The following CADM2 variants were observed in gnomAD, a reference collection of about 807,000 sequenced individuals.
CADM2 encodes the protein cell adhesion molecule 2, also known as immunoglobulin superfamily member 4D.
Under a neutral mutation model 49.8 loss-of-function variants are expected in CADM2, and 12 were observed. The ratio of observed to expected loss-of-function variants is 0.24; its 90% CI spans 0.15 to 0.39. CADM2 has a LOEUF of 0.39. Among genes scored for constraint, CADM2 ranks in the 10% least tolerant of loss-of-function variants. CADM2 has a pLI of 1.00. For missense variants in CADM2, 378 were observed against 492.3 expected, an observed-to-expected ratio of 0.77 and a Z score of 2.20; for synonymous variants, 214 against 175.4, an observed-to-expected ratio of 1.22 and a Z score of -1.74.
intron 1 of CADM2, among the ~76,000 whole-genome samples, chr3:85,246,811 A>G (rs959612140): frequency 1.3e-5 from 2 of 152,070 alleles, no homozygotes; most frequent in African/African-American, 4.8e-5. Flanking sequence ...TTTCTGCCAA[A>G]TTACTTCCAC....
chr3:85,296,800 C>T (rs1174548538), intron 1 of CADM2, among the ~76,000 whole-genome samples: 1 of 152,068 alleles, frequency 6.6e-6, no homozygotes, highest in African/African-American at 2.4e-5. Flanking sequence ...ATGATTTCTT[C>T]CAAACAGATA....
chr3:85,417,240 A>AT (rs2035958079), intron 1 of CADM2, among the ~76,000 whole-genome samples: 1 of 152,098 alleles, frequency 6.6e-6, no homozygotes, highest in African/African-American at 2.4e-5. Flanking sequence ...GACAAAACCG[A>AT]TTTGGAAATT....
rs553842409 is a variant in CADM2, at chr3:85,449,124, A to G, written c.62-277398A>G. 3.3e-5 allele frequency among the ~76,000 whole-genome samples: 5 copies of G among 149,868 alleles called. No homozygotes were observed. The Admixed American group carries it at 3.3e-4, about 10-fold the overall frequency. On this transcript the variant is annotated intron_variant, in intron 1 of 9. Coordinates refer to ENST00000383699, the MANE Select transcript of CADM2 (RefSeq NM_001167675.2). ...ATACCATCTTTGTATATTCTCCTGG[A>G]ATATTTGTATAGAATTTTTGTATAT...
At chr3:85,023,860 T>C (rs1468657030) in intron 1 of CADM2, among the ~76,000 whole-genome samples, 4 of 152,090 alleles carry the variant, frequency 2.6e-5, no homozygotes. Flanking sequence ...TATTTTTCTA[T>C]GTGCTTAAGA....
At chr3:85,893,877 G>A (rs994012808) in intron 5 of CADM2, among the ~76,000 whole-genome samples, 11 of 152,142 alleles carry the variant, frequency 7.2e-5, no homozygotes, top group African/African-American at 2.4e-4. Context: ...GGAGAAATAG[G>A]AACACTTTTA....
At chr3:85,809,712 CTT>C (rs2072702640) in intron 3 of CADM2, among the ~76,000 whole-genome samples, 3 of 106,280 alleles carry the variant, frequency 2.8e-5, no homozygotes, top group African/African-American at 1.1e-4. Flanking sequence ...TCCTTCCTTC[CTT>C]CCTTCGTTCC....
chr3:85,662,947 C>T (rs757106983), intron 1 of CADM2, among the ~76,000 whole-genome samples: 6 of 152,028 alleles, frequency 3.9e-5, no homozygotes, highest in African/African-American at 7.2e-5. Flanking sequence ...TCCTTTTTCT[C>T]ATGCTTGAAT....
intron 1 of CADM2, among the ~76,000 whole-genome samples, chr3:85,120,238 G>C (rs963508169): frequency 6.6e-6 from 1 of 152,188 alleles, no homozygotes; most frequent in South Asian, 2.1e-4. Context: ...GTAGGTGGTA[G>C]TGTAAACTAG....
intron 3 of CADM2, among the ~76,000 whole-genome samples, chr3:85,827,061 A>G (rs1368997511): frequency 6.6e-6 from 1 of 151,962 alleles, no homozygotes; most frequent in African/African-American, 2.4e-5. Flanking sequence ...ATGGTCACAT[A>G]TGCAGGCTAG....
intron 8 of CADM2, among the ~76,000 whole-genome samples, chr3:86,011,270 TA>T (rs1731476378): frequency 6.6e-6 from 1 of 152,102 alleles, no homozygotes; most frequent in African/African-American, 2.4e-5. Context: ...AATCATATAC[TA>T]AAAGAATCAC....
intron 1 of CADM2, among the ~76,000 whole-genome samples, chr3:85,503,262 T>C (rs2040191605): frequency 6.6e-6 from 1 of 152,180 alleles, no homozygotes; most frequent in Non-Finnish European, 1.5e-5. Flanking sequence ...TAACATTTCA[T>C]TTCTGGATTT....
chr3:85,522,723 C>A (rs1044482383), intron 1 of CADM2, among the ~76,000 whole-genome samples: 1 of 151,764 alleles, frequency 6.6e-6, no homozygotes, highest in Non-Finnish European at 1.5e-5. Flanking sequence ...TGAAGATACT[C>A]ATTTACTGAC....
intron 1 of CADM2, among the ~76,000 whole-genome samples, chr3:85,500,807 G>T (rs1025616396): frequency 6.6e-6 from 1 of 152,050 alleles, no homozygotes; most frequent in African/African-American, 2.4e-5. Context: ...GTGAGCCACC[G>T]TGCCCAGCCT....
intron 1 of CADM2, among the ~76,000 whole-genome samples, chr3:85,123,475 A>C (rs2038930245): frequency 6.6e-6 from 1 of 152,166 alleles, no homozygotes; most frequent in African/African-American, 2.4e-5. Context: ...AGTGACCTCT[A>C]AGAGGGGCAC....
At chr3:85,424,754 T>A (rs1034403918) in intron 1 of CADM2, among the ~76,000 whole-genome samples, 2 of 152,248 alleles carry the variant, frequency 1.3e-5, no homozygotes, top group East Asian at 1.9e-4. Context: ...TGATTTCATA[T>A]GATTTCTAAT....
chr3:85,490,569 G>A (rs2039629631), intron 1 of CADM2, among the ~76,000 whole-genome samples: 1 of 152,082 alleles, frequency 6.6e-6, no homozygotes, highest in Non-Finnish European at 1.5e-5. Context: ...GGGCAACAGA[G>A]TGAGACTGTC....
chr3:85,866,028 C>T (rs1224128608), intron 3 of CADM2, among the ~76,000 whole-genome samples: 2 of 152,084 alleles, frequency 1.3e-5, no homozygotes, highest in African/African-American at 4.8e-5. Context: ...AGAAACCCCA[C>T]TTGGGAGGCT....
chr3:85,003,335 T>G (rs2033565764), intron 1 of CADM2, among the ~76,000 whole-genome samples: 1 of 152,134 alleles, frequency 6.6e-6, no homozygotes, highest in African/African-American at 2.4e-5. Flanking sequence ...TTTGCTACAA[T>G]TGTCTATGGT....
Position 85,353,541 on chromosome 3 carries a change from CTT to C in CADM2, c.62-372973_62-372972del, listed in dbSNP as rs546632995. Among the ~76,000 whole-genome samples the C allele has an allele frequency of 2.1e-5, 3 of 144,718 alleles. No individual in the cohort carries two copies. In the East Asian group the frequency reaches 6.1e-4, roughly 29 times the overall value. The allele number at this position is 144,718 out of a possible 152,430, so 94.9% of individuals were successfully genotyped here. A position where few individuals can be genotyped will look rare whatever the true frequency, so the allele number is the denominator to read the frequency against. On this transcript the variant is annotated intron_variant, in intron 1 of 9. Coordinates refer to ENST00000383699, the MANE Select transcript of CADM2 (RefSeq NM_001167675.2). ...TGTTCCTTTCTTTAGTTGATGGTTTCTTTTTTTTTGTTTTTTTTTTGCAGTGA... is the reference window on the plus strand; with the variant it reads ...TGTTCCTTTCTTTAGTTGATGGTTTCTTTTTTTGTTTTTTTTTTGCAGTGA...
Sources: gnomAD v4.1 joint callset for allele counts (sites outside exome capture counted in the v4.1 genomes callset) on GRCh38, gnomAD v4.1.1 for gene constraint, MANE v1.5 for transcripts, NCBI Gene and HGNC (gene_info 2026-07-23, HGNC 2026-07-21) for gene names.